Variants in DPYS observed in about 807,000 individuals in gnomAD.
DPYS encodes dihydropyrimidinase.
DPYS carries 39 observed loss-of-function variants against 50.3 expected under a neutral mutation model. The ratio of observed to expected loss-of-function variants is 0.78; its 90% CI spans 0.60 to 1.01. The LOEUF is 1.01. Among genes scored for constraint, DPYS ranks in the 50% least tolerant of loss-of-function variants. The probability of loss-of-function intolerance (pLI) is 0.00; values close to 1 mark genes in which losing one functional copy is unlikely to be tolerated. For synonymous variants in DPYS, 245 were observed against 250.7 expected, an observed-to-expected ratio of 0.98 and a Z score of 0.22; for missense variants, 659 against 680.9, an observed-to-expected ratio of 0.97 and a Z score of 0.36.
chr8:104,439,142 T>C (rs1813255701), intron 4 of DPYS, among the ~76,000 whole-genome samples: 1 of 152,140 alleles, frequency 6.6e-6, no homozygotes, highest in Admixed American at 6.5e-5. Flanking sequence ...GTGACATTTA[T>C]TACTGACAAA....
intron 4 of DPYS, among the ~76,000 whole-genome samples, chr8:104,432,740 GT>G (rs1482270420): frequency 1.3e-5 from 2 of 152,144 alleles, no homozygotes; most frequent in African/African-American, 4.8e-5. Flanking sequence ...TTCTTAGTCT[GT>G]TTTTCTCATC....
At chr8:104,381,532 C>A in intron 8 of DPYS, 1 of 500,430 alleles carries the variant, frequency 2.0e-6, no homozygotes, top group Admixed American at 3.0e-5. Context: ...AGACAGAGGC[C>A]CAGGGACACT....
At chr8:104,444,581 T>G in intron 3 of DPYS, 144 bp from the exon 4 acceptor site, 8 of 740,126 alleles carry the variant, frequency 1.1e-5, no homozygotes, top group Non-Finnish European at 1.8e-5. Flanking sequence ...TGTGTGTATA[T>G]GAACATATTT....
intron 2 of DPYS, among the ~76,000 whole-genome samples, chr8:104,447,967 C>T (rs561833692): frequency 2.0e-4 from 30 of 152,184 alleles, no homozygotes; most frequent in Admixed American, 1.6e-3. Context: ...CAGATGGACC[C>T]GGGCATGCCC....
At chr8:104,460,861 G>A (rs1222959545) in intron 1 of DPYS, among the ~76,000 whole-genome samples, 2 of 152,170 alleles carry the variant, frequency 1.3e-5, no homozygotes, top group African/African-American at 2.4e-5. Context: ...CTTGAAGCTG[G>A]AGCATCTAAA....
chr8:104,386,425 T>C (rs3793361), intron 8 of DPYS, among the ~76,000 whole-genome samples: 53,039 of 151,230 alleles, frequency 0.35, 12,211 homozygotes, highest in African/African-American at 0.65. Flanking sequence ...CCCAGCTACT[T>C]GGGAGGCTGA....
intron 4 of DPYS, among the ~76,000 whole-genome samples, chr8:104,436,563 T>C (rs1813156384): frequency 1.3e-5 from 2 of 152,078 alleles, no homozygotes; most frequent in South Asian, 4.1e-4. Flanking sequence ...TGAGCCGAGA[T>C]TGTGCCAGCC....
At chr8:104,396,932 T>A (rs1310782311) in intron 7 of DPYS, among the ~76,000 whole-genome samples, 1 of 152,164 alleles carries the variant, frequency 6.6e-6, no homozygotes, top group African/African-American at 2.4e-5. Flanking sequence ...TAAGTCATTA[T>A]GTAAATGAAG....
chr8:104,387,840 C>T (rs1345375828), intron 8 of DPYS, among the ~76,000 whole-genome samples: 1 of 152,170 alleles, frequency 6.6e-6, no homozygotes, highest in African/African-American at 2.4e-5. Context: ...TAAATATTAA[C>T]AACTATCTCT....
intron 6 of DPYS, among the ~76,000 whole-genome samples, chr8:104,425,278 A>C (rs1202401839): frequency 6.7e-6 from 1 of 150,208 alleles, no homozygotes; most frequent in East Asian, 2.0e-4. Context: ...CCCAGGCTGG[A>C]GTGCAGTGGT....
chr8:104,408,507 A>G (rs1180089774), intron 7 of DPYS, among the ~76,000 whole-genome samples: 1 of 152,230 alleles, frequency 6.6e-6, no homozygotes, highest in Non-Finnish European at 1.5e-5. Flanking sequence ...TACCTGCAAA[A>G]GTAGCAAAAA....
chr8:104,441,342 C>T (rs1378430549), intron 4 of DPYS, among the ~76,000 whole-genome samples: 2 of 152,096 alleles, frequency 1.3e-5, no homozygotes, highest in African/African-American at 2.4e-5. Context: ...CTCAAGATAC[C>T]CATTTTGTGG....
chr8:104,386,996 C>T (rs539276009), intron 8 of DPYS, among the ~76,000 whole-genome samples: 1 of 152,160 alleles, frequency 6.6e-6, no homozygotes, highest in Non-Finnish European at 1.5e-5. Flanking sequence ...TGATTGAATG[C>T]TGTTCATGGA....
At chr8:104,462,702 T>C (rs1428850423) in intron 1 of DPYS, among the ~76,000 whole-genome samples, 1 of 152,204 alleles carries the variant, frequency 6.6e-6, no homozygotes, top group Admixed American at 6.5e-5. Context: ...GCCAAACTCT[T>C]ATACTTCATT....
rs186006010 is a variant in DPYS, at chr8:104,434,704, T to C, written c.794-5003A>G. ...TGCTTGAGATCTGAAATTGTCTTAATCATCTTAGCAAATCTAATGCCTAGA... is the reference window on the plus strand; with the variant it reads ...TGCTTGAGATCTGAAATTGTCTTAACCATCTTAGCAAATCTAATGCCTAGA... On this transcript the variant is annotated intron_variant, in intron 4 of 9. Coordinates refer to ENST00000351513, the MANE Select transcript of DPYS (RefSeq NM_001385.3). Among the ~76,000 whole-genome samples, 363 of 152,318 alleles carry C rather than the reference T, an allele frequency of 2.4e-3. 1 individual carries two copies. The highest frequency in any genetic ancestry group is 8.2e-3 in the African/African-American group (341 of 41,556).
At chr8:104,451,000 G>A (rs562233852) in intron 2 of DPYS, among the ~76,000 whole-genome samples, 10 of 152,300 alleles carry the variant, frequency 6.6e-5, no homozygotes, top group African/African-American at 2.4e-4. Context: ...AGGAGAAGCT[G>A]TTATGAATGA....
intron 7 of DPYS, among the ~76,000 whole-genome samples, chr8:104,405,282 G>A (rs561522276): frequency 6.6e-6 from 1 of 152,294 alleles, no homozygotes; most frequent in South Asian, 2.1e-4. Flanking sequence ...GAGAGCTTGA[G>A]TAACTTGTCC....
chr8:104,439,173 A>G (rs982271123), intron 4 of DPYS, among the ~76,000 whole-genome samples: 3 of 152,216 alleles, frequency 2.0e-5, no homozygotes, highest in Admixed American at 6.5e-5. Flanking sequence ...TGAGAAGTTT[A>G]CAGGAACTAA....
intron 7 of DPYS, among the ~76,000 whole-genome samples, chr8:104,398,608 C>T (rs1251111209): frequency 6.6e-6 from 1 of 152,210 alleles, no homozygotes; most frequent in Admixed American, 6.5e-5. Flanking sequence ...GAAAAATCTG[C>T]TTTTGTGATA....
Sources: gnomAD v4.1 joint callset for allele counts (sites outside exome capture counted in the v4.1 genomes callset) on GRCh38, gnomAD v4.1.1 for gene constraint, MANE v1.5 for transcripts, NCBI Gene and HGNC (gene_info 2026-07-23, HGNC 2026-07-21) for gene names.